Variants in GNAO1 observed in about 807,000 individuals in gnomAD.
GNAO1 encodes G protein subunit alpha o1.
For missense variants in GNAO1, 166 were observed against 478.7 expected (o/e 0.35, Z 6.10); for synonymous variants, 164 against 180.7 (o/e 0.91, Z 0.74).
intron 2 of GNAO1, among the ~76,000 whole-genome samples, chr16:56,197,483 C>T (rs548951389): frequency 6.6e-6 from 1 of 152,316 alleles, no homozygotes. Context: ...GACCTTCCTG[C>T]CAGAAGAGTG....
At chr16:56,310,412 T>C (rs2037444574) in intron 3 of GNAO1, among the ~76,000 whole-genome samples, 1 of 152,204 alleles carries the variant, frequency 6.6e-6, no homozygotes, top group Non-Finnish European at 1.5e-5. Context: ...ACCTATTATG[T>C]GCTATAGTGT....
At chr16:56,224,055 C>T (rs76595749) in intron 2 of GNAO1, among the ~76,000 whole-genome samples, 153 of 152,188 alleles carry the variant, frequency 1.0e-3, no homozygotes, top group African/African-American at 3.4e-3. Context: ...AGTGGGGAAG[C>T]GGGGCCTGCC....
chr16:56,312,549 C>T (rs1321704287), intron 3 of GNAO1, among the ~76,000 whole-genome samples: 1 of 152,248 alleles, frequency 6.6e-6, no homozygotes, highest in Admixed American at 6.5e-5. Flanking sequence ...ACCCCTGAAC[C>T]CAGAGGTCCC....
chr16:56,336,709 A>G (rs1475511238), intron 5 of GNAO1, 22 bp from the exon 6 acceptor site: 2 of 1,598,936 alleles, frequency 1.3e-6, no homozygotes, highest in Non-Finnish European at 1.7e-6. Context: ...CCCTGCGCCT[A>G]CCAGCTCCCT....
chr16:56,330,300 C>G (rs746600895), intron 4 of GNAO1, among the ~76,000 whole-genome samples: 1 of 152,156 alleles, frequency 6.6e-6, no homozygotes, highest in Non-Finnish European at 1.5e-5. Flanking sequence ...AGCTGCCCTC[C>G]TCCCTTCTTC....
intron 2 of GNAO1, among the ~76,000 whole-genome samples, chr16:56,214,968 G>A (rs1178009374): frequency 6.6e-6 from 1 of 152,208 alleles, no homozygotes; most frequent in Admixed American, 6.5e-5. Flanking sequence ...CTCTGCATTG[G>A]GTCTGGGCAT....
intron 2 of GNAO1, among the ~76,000 whole-genome samples, chr16:56,199,360 A>T (rs570841716): frequency 5.3e-5 from 8 of 152,278 alleles, no homozygotes; most frequent in African/African-American, 1.9e-4. Flanking sequence ...AAAGTATCTC[A>T]TTAGTAAGAA....
chr16:56,256,718 CTGTGTGTGTGTGTGTGTGTGTGTGTG>C (rs199786327), intron 2 of GNAO1, among the ~76,000 whole-genome samples: 1 of 72,214 alleles, frequency 1.4e-5, no homozygotes, highest in African/African-American at 4.2e-5. Flanking sequence ...CTCTCTCTCT[CTGTGTGTGTGTGTGTGTGTGTGTGTG>C]TGTGTGTGTG....
chr16:56,297,868 G>A lies in GNAO1; in HGVS notation c.303+21796G>A, dbSNP rs527991559. Among the ~76,000 whole-genome samples the A allele has an allele frequency of 2.6e-5, 4 of 152,136 alleles. No individual in the cohort carries two copies. In the East Asian group the frequency reaches 5.8e-4, roughly 22 times the overall value. On this transcript the variant is annotated intron_variant, in intron 3 of 8. Transcript: ENST00000262493. ...TTCTCTTCTTTATGTAGAACTAGAC[G>A]ATTAAAAAAATAGTTATCGAGTGGG...
At chr16:56,211,678 C>A (rs536304034) in intron 2 of GNAO1, among the ~76,000 whole-genome samples, 6 of 152,162 alleles carry the variant, frequency 3.9e-5, no homozygotes, top group Non-Finnish European at 8.8e-5. Context: ...GTTTCAGTCG[C>A]GACTTGAAAA....
rs2037694643 is a variant in GNAO1 at position 56,332,114 on chromosome 16, G to A, written c.465-2615G>A. 2.6e-5 allele frequency among the ~76,000 whole-genome samples: 4 copies of A among 152,232 alleles called. No individual in the cohort carries two copies. The South Asian group carries it at 8.3e-4, about 32-fold the overall frequency. ...TCTGGTGACGACAGCAGCTCTGCAG[G>A]CCCCACCCGCTGACCTGCTCTCATG... On this transcript the variant is annotated intron_variant, in intron 4 of 8. Transcript: ENST00000262493.
At position 56,251,504 on chromosome 16, in the gene GNAO1, A is replaced by G. The variant is rs1337593983; in HGVS notation, c.162-24427A>G. Among the ~76,000 whole-genome samples, 8 of 152,246 alleles carry G rather than the reference A, an allele frequency of 5.3e-5. No homozygotes were observed. The South Asian group carries it at 8.3e-4, about 16-fold the overall frequency. ...ATAACAGTTAAATAACTTTTACAAAATAGCAAATATTTTCCCATTCTGCTG... is the reference window on the plus strand; with the variant it reads ...ATAACAGTTAAATAACTTTTACAAAGTAGCAAATATTTTCCCATTCTGCTG... On this transcript the variant is annotated intron_variant, in intron 2 of 8. Coordinates refer to ENST00000262493, the MANE Select transcript of GNAO1 (RefSeq NM_020988.3).
rs533492965 is a variant in GNAO1, at chr16:56,303,889, C to G, written c.304-24742C>G. ...TTTCCCACCTCTGATCTACCCAATG[C>G]GACACCCTCATTTTATAGACGCTGG... On this transcript the variant is annotated intron_variant, in intron 3 of 8. Coordinates refer to ENST00000262493, the MANE Select transcript of GNAO1 (RefSeq NM_020988.3). Among the ~76,000 whole-genome samples the G allele has an allele frequency of 2.0e-5, 3 of 152,224 alleles. No individual in the cohort carries two copies. In the East Asian group the frequency reaches 5.8e-4, roughly 29 times the overall value.
At chr16:56,291,757 C>G (rs1302698485) in intron 3 of GNAO1, among the ~76,000 whole-genome samples, 1 of 152,182 alleles carries the variant, frequency 6.6e-6, no homozygotes, top group African/African-American at 2.4e-5. Context: ...AGTCCAACAT[C>G]AAGATACCAG....
chr16:56,316,555 G>T (rs1596860679), intron 3 of GNAO1, among the ~76,000 whole-genome samples: 1 of 152,268 alleles, frequency 6.6e-6, no homozygotes, highest in Middle Eastern at 3.4e-3. Context: ...GCCCGTCAAG[G>T]CCCTCAGTGT....
chr16:56,297,571 G>GTGTGTA (rs1491461466), intron 3 of GNAO1, among the ~76,000 whole-genome samples: 11 of 133,654 alleles, frequency 8.2e-5, no homozygotes, highest in African/African-American at 2.2e-4. Context: ...GTGTGTGTGT[G>GTGTGTA]TATGCATGTG....
At chr16:56,296,356 CG>C in intron 3 of GNAO1, among the ~76,000 whole-genome samples, 1 of 152,102 alleles carries the variant, frequency 6.6e-6, no homozygotes, top group Non-Finnish European at 1.5e-5. Context: ...GCCAGAGCGA[CG>C]GGCTGGAATT....
chr16:56,203,386 A>G (rs537881588), intron 2 of GNAO1, among the ~76,000 whole-genome samples: 13 of 152,198 alleles, frequency 8.5e-5, no homozygotes, highest in Middle Eastern at 3.4e-3. Context: ...TTTTATAGTC[A>G]CTATGAGAAA....
chr16:56,253,822 C>T (rs917239851), intron 2 of GNAO1, among the ~76,000 whole-genome samples: 1 of 151,128 alleles, frequency 6.6e-6, no homozygotes, highest in African/African-American at 2.4e-5. Flanking sequence ...CCTGCCTTCT[C>T]CCCAGCCTGG....
Sources: gnomAD v4.1 joint callset for allele counts (sites outside exome capture counted in the v4.1 genomes callset) on GRCh38, gnomAD v4.1.1 for gene constraint, MANE v1.5 for transcripts, NCBI Gene and HGNC (gene_info 2026-07-23, HGNC 2026-07-21) for gene names.